The following SLC5A12 variants were observed in gnomAD, a reference collection of about 807,000 sequenced individuals.
The protein encoded by SLC5A12 is solute carrier family 5 member 12.
SLC5A12 carries 46 observed loss-of-function variants against 72.7 expected under a neutral mutation model. The observed-to-expected ratio is 0.63, with a 90% CI of 0.50 to 0.81. SLC5A12 has a LOEUF of 0.81. SLC5A12 is among the 30% of genes least tolerant of loss of function. The probability of loss-of-function intolerance (pLI) is 0.00; values close to 1 mark genes in which losing one functional copy is unlikely to be tolerated. For missense variants in SLC5A12, 683 were observed against 740.7 expected (o/e 0.92, Z 0.90); for synonymous variants, 275 against 264.4 (o/e 1.04, Z -0.39).
chr11:26,680,994 C>T (rs1590710962), intron 12 of SLC5A12, 61 bp downstream of exon 12: 7 of 1,406,054 alleles, frequency 5.0e-6, no homozygotes, highest in Non-Finnish European at 6.7e-6. Context: ...GAAGAGTGCA[C>T]CTCCCTCTTA....
chr11:26,679,658 A>T (rs1408648509), intron 12 of SLC5A12, among the ~76,000 whole-genome samples: 4 of 152,170 alleles, frequency 2.6e-5, no homozygotes, highest in Admixed American at 1.3e-4. Context: ...AAGGACCCAA[A>T]TGTAGGAAAG....
chr11:26,718,687 C>G (rs1435871225), intron 1 of SLC5A12, among the ~76,000 whole-genome samples: 1 of 151,632 alleles, frequency 6.6e-6, no homozygotes. Flanking sequence ...TGGAGTTTCT[C>G]CATGTTGGCC....
At chr11:26,678,183 T>C (rs1590707752) in intron 13 of SLC5A12, among the ~76,000 whole-genome samples, 1 of 152,272 alleles carries the variant, frequency 6.6e-6, no homozygotes, top group East Asian at 1.9e-4. Context: ...CATGAGATAG[T>C]AAGATGGTGA....
chr11:26,704,384 T>C (rs1043229174), intron 4 of SLC5A12, among the ~76,000 whole-genome samples: 2 of 152,142 alleles, frequency 1.3e-5, no homozygotes, highest in African/African-American at 4.8e-5. Context: ...CACAACTCCC[T>C]GAGGGAATAC....
In SLC5A12 at chr11:26,668,565, G is replaced by A. The variant is rs568654669; in HGVS notation, c.*2537C>T. On this transcript the variant is annotated 3_prime_UTR_variant, in exon 15 of 15. Transcript: ENST00000396005. ...CTGGGACTCACTAGCTGAATCTATT[G>A]ACTGTGCGCTTCATAGTTTCCTTTT... The A allele has an allele frequency of 7.2e-5, 11 of 152,116 alleles. No individual in the cohort carries two copies. The highest frequency in any genetic ancestry group is 2.7e-4 in the African/African-American group (11 of 41,500). The allele number at this position is 152,116 out of a possible 1,614,324, so 9.4% of individuals were successfully genotyped here.
intron 2 of SLC5A12, 112 bp downstream of exon 2, chr11:26,712,529 G>T (rs1565202850): frequency 1.7e-6 from 1 of 577,168 alleles, no homozygotes; most frequent in Non-Finnish European, 2.9e-6. Flanking sequence ...GAAGAAAGTA[G>T]CGTCTTCTTA....
chr11:26,702,086 A>G (rs1451958208), intron 6 of SLC5A12, among the ~76,000 whole-genome samples: 1 of 152,206 alleles, frequency 6.6e-6, no homozygotes, highest in African/African-American at 2.4e-5. Flanking sequence ...TTACAGGTAC[A>G]GCCAACTATA....
chr11:26,700,135 A>C (rs1481919629), intron 6 of SLC5A12, among the ~76,000 whole-genome samples: 1 of 152,220 alleles, frequency 6.6e-6, no homozygotes, highest in African/African-American at 2.4e-5. Context: ...TAGGATTATG[A>C]GGATTTAATG....
At chr11:26,686,160 A>G (rs1022409825) in intron 10 of SLC5A12, among the ~76,000 whole-genome samples, 24 of 152,218 alleles carry the variant, frequency 1.6e-4, no homozygotes, top group Non-Finnish European at 1.6e-4. Context: ...TCATATCAGG[A>G]TAATAAATTC....
chr11:26,698,269 AG>A, intron 7 of SLC5A12, 136 bp downstream of exon 7: 1 of 1,137,558 alleles, frequency 8.8e-7, no homozygotes. Flanking sequence ...ACCCAAGAGA[AG>A]AAAGAAACCA....
intron 12 of SLC5A12, among the ~76,000 whole-genome samples, chr11:26,679,918 A>C (rs983215099): frequency 2.0e-5 from 3 of 152,120 alleles, no homozygotes; most frequent in Non-Finnish European, 2.9e-5. Flanking sequence ...TGTATTAGAA[A>C]GGAAAAGAGA....
chr11:26,676,375 A>G (rs1322480308), intron 13 of SLC5A12, among the ~76,000 whole-genome samples: 2 of 152,038 alleles, frequency 1.3e-5, no homozygotes, highest in African/African-American at 4.8e-5. Context: ...AAAAAAAAAA[A>G]AAAGAAAACA....
intron 4 of SLC5A12, among the ~76,000 whole-genome samples, chr11:26,708,750 T>C (rs1855150448): frequency 2.0e-5 from 3 of 152,022 alleles, no homozygotes; most frequent in Admixed American, 6.6e-5. Context: ...ATTAATTACA[T>C]AAACATGCTG....
At chr11:26,676,354 G>GA (rs1565183526) in intron 13 of SLC5A12, among the ~76,000 whole-genome samples, 10 of 107,282 alleles carry the variant, frequency 9.3e-5, no homozygotes, top group East Asian at 5.2e-4. Flanking sequence ...TCTGTTTCTA[G>GA]AAAACAAAAA....
intron 9 of SLC5A12, among the ~76,000 whole-genome samples, chr11:26,689,090 CAAAAAA>C (rs36100337): frequency 9.0e-6 from 1 of 111,340 alleles, no homozygotes; most frequent in Non-Finnish European, 1.8e-5. Context: ...AAGGACGTTA[CAAAAAA>C]AAAAAAAAAA....
chr11:26,712,169 G>T (rs7924565), intron 2 of SLC5A12, among the ~76,000 whole-genome samples: 3 of 152,114 alleles, frequency 2.0e-5, no homozygotes, highest in East Asian at 1.9e-4. Flanking sequence ...CCAAAGCTGG[G>T]GGGGTGGGAA....
chr11:26,722,937 C>T (rs1027278502), upstream of SLC5A12, among the ~76,000 whole-genome samples: 1 of 150,978 alleles, frequency 6.6e-6, no homozygotes, highest in African/African-American at 2.4e-5. Context: ...TCCTGTAGAA[C>T]GTAGCCTCCC....
chr11:26,681,020 T>G, intron 12 of SLC5A12, 35 bp downstream of exon 12: 1 of 1,525,846 alleles, frequency 6.6e-7, no homozygotes, highest in Non-Finnish European at 8.8e-7. Context: ...TGACCCACTC[T>G]CTGGGACTTA....
chr11:26,700,709 A>C (rs1854938564), intron 6 of SLC5A12, among the ~76,000 whole-genome samples: 1 of 152,134 alleles, frequency 6.6e-6, no homozygotes, highest in African/African-American at 2.4e-5. Context: ...AAAGATAAAC[A>C]AGGGATTAGA....
Sources: gnomAD v4.1 joint callset for allele counts (sites outside exome capture counted in the v4.1 genomes callset) on GRCh38, gnomAD v4.1.1 for gene constraint, MANE v1.5 for transcripts, NCBI Gene and HGNC (gene_info 2026-07-23, HGNC 2026-07-21) for gene names.